The following WWC2 variants were observed in gnomAD, a reference collection of about 807,000 sequenced individuals.
WWC2 encodes protein WWC2.
A neutral mutation model predicts 138.5 loss-of-function variants in WWC2; 101 were observed. That is an observed-to-expected ratio of 0.73 (90% CI 0.62 to 0.86). The LOEUF (loss-of-function observed/expected upper bound fraction) is 0.86. Ranked by LOEUF, WWC2 falls within the 40% of genes least tolerant of loss-of-function variation. The pLI is 0.00. For missense variants in WWC2, 1,420 were observed against 1,419.4 expected (o/e 1.00, Z -0.01); for synonymous variants, 558 against 538.4 (o/e 1.04, Z -0.50).
intron 1 of WWC2, among the ~76,000 whole-genome samples, chr4:183,120,669 GTTAATAT>G (rs1352427036): frequency 6.6e-6 from 1 of 152,102 alleles, no homozygotes; most frequent in Non-Finnish European, 1.5e-5. Flanking sequence ...CTAAATTTCT[GTTAATAT>G]TTAATATTAT....
rs145622030 is a variant in WWC2 at position 183,213,364 on chromosome 4, G to A, written c.522+4339G>A. On this transcript the variant is annotated intron_variant, in intron 4 of 22. Coordinates refer to ENST00000403733, the MANE Select transcript of WWC2 (RefSeq NM_024949.6). ...AAAATCCCTTTCACGAATTAATGCC[G>A]TAGGAGTAGTAACTCTTGAATAAAT... Among the ~76,000 whole-genome samples, 233 of 152,322 alleles carry A rather than the reference G, an allele frequency of 1.5e-3. 1 individual carries two copies. Among genetic ancestry groups the A allele is most frequent in the Non-Finnish European group, 2.3e-3 (157 of 68,032 alleles).
At chr4:183,233,147 C>A (rs892659431) in intron 4 of WWC2, among the ~76,000 whole-genome samples, 2 of 126,338 alleles carry the variant, frequency 1.6e-5, no homozygotes, top group Non-Finnish European at 1.7e-5. Flanking sequence ...TCTTTTTAAA[C>A]CTTTTTTTTT....
chr4:183,110,526 C>G (rs1167304237), intron 1 of WWC2, among the ~76,000 whole-genome samples: 1 of 150,502 alleles, frequency 6.6e-6, no homozygotes, highest in Non-Finnish European at 1.5e-5. Flanking sequence ...ATGGAGCCAG[C>G]TCAGAAGTGA....
chr4:183,294,205 A>G (rs780539746), intron 21 of WWC2, among the ~76,000 whole-genome samples: 7 of 152,170 alleles, frequency 4.6e-5, no homozygotes, highest in Non-Finnish European at 7.3e-5. Context: ...ATACAGAGGA[A>G]GAATTAATAA....
chr4:183,156,167 C>T (rs1263609498), intron 1 of WWC2, among the ~76,000 whole-genome samples: 1 of 151,980 alleles, frequency 6.6e-6, no homozygotes, highest in Non-Finnish European at 1.5e-5. Flanking sequence ...GCTCGGATTA[C>T]AGGTGCCGCT....
chr4:183,133,251 C>T (rs1298119901), intron 1 of WWC2, among the ~76,000 whole-genome samples: 1 of 148,402 alleles, frequency 6.7e-6, no homozygotes, highest in African/African-American at 2.5e-5. Flanking sequence ...AACTTCTGGG[C>T]TCAAGCCTTT....
chr4:183,113,189 T>C lies in WWC2; in HGVS notation c.131+13567T>C, dbSNP rs187662140. Among the ~76,000 whole-genome samples, 4 of 152,004 alleles carry C rather than the reference T, an allele frequency of 2.6e-5. No homozygotes were observed. The East Asian group carries it at 7.9e-4, about 30-fold the overall frequency. On this transcript the variant is annotated intron_variant, in intron 1 of 22. Coordinates refer to ENST00000403733, the MANE Select transcript of WWC2 (RefSeq NM_024949.6). ...TGAGAGGTTGAGGCAGCAGAATCAC[T>C]TGAACCTGGAAGGCGGAGGTTGCAG...
At chr4:183,273,620 T>A (rs572185457) in intron 16 of WWC2, among the ~76,000 whole-genome samples, 1 of 152,268 alleles carries the variant, frequency 6.6e-6, no homozygotes, top group East Asian at 1.9e-4. Context: ...TTTTTTATTA[T>A]TGACTTATAA....
intron 21 of WWC2, among the ~76,000 whole-genome samples, chr4:183,304,141 A>G (rs990125399): frequency 6.6e-6 from 1 of 152,134 alleles, no homozygotes; most frequent in Non-Finnish European, 1.5e-5. Flanking sequence ...AATTCTTCTT[A>G]GATCAGTTAG....
At chr4:183,315,274 T>C (rs935079325) in intron 22 of WWC2, among the ~76,000 whole-genome samples, 4 of 152,196 alleles carry the variant, frequency 2.6e-5, no homozygotes, top group Admixed American at 2.6e-4. Context: ...TTTCCTGTTA[T>C]TGTGTGCTTT....
chr4:183,289,044 A>G (rs1361453123), intron 20 of WWC2, among the ~76,000 whole-genome samples: 1 of 152,248 alleles, frequency 6.6e-6, no homozygotes, highest in Non-Finnish European at 1.5e-5. Context: ...ATAAAGGTTT[A>G]TTTCTTGCCT....
intron 4 of WWC2, among the ~76,000 whole-genome samples, chr4:183,228,767 C>T (rs1344670929): frequency 6.6e-6 from 1 of 152,022 alleles, no homozygotes; most frequent in Non-Finnish European, 1.5e-5. Context: ...TGCATGCACA[C>T]CTGCTACCAT....
At chr4:183,220,122 T>C (rs1735879671) in intron 4 of WWC2, among the ~76,000 whole-genome samples, 1 of 152,154 alleles carries the variant, frequency 6.6e-6, no homozygotes, top group African/African-American at 2.4e-5. Context: ...CAGCAAGGAA[T>C]ACAAGTCTCA....
chr4:183,304,429 C>T lies in WWC2; in HGVS notation c.3385-7912C>T, dbSNP rs78252053. Among the ~76,000 whole-genome samples, 563 of 152,158 alleles carry T rather than the reference C, an allele frequency of 3.7e-3. 3 individuals carry two copies. Among genetic ancestry groups the T allele is most frequent in the African/African-American group, 0.013 (541 of 41,472 alleles). ...TTCCAGGAGCTTGACTGGGTCCTCA[C>T]GATGGATGTCGAAGAAAAATCTTGC... is the stretch of plus-strand genomic sequence containing the variant. On this transcript the variant is annotated intron_variant, in intron 21 of 22. Coordinates refer to ENST00000403733, the MANE Select transcript of WWC2 (RefSeq NM_024949.6).
intron 1 of WWC2, among the ~76,000 whole-genome samples, chr4:183,100,769 CATT>C (rs1231568914): frequency 2.0e-5 from 3 of 152,308 alleles, no homozygotes; most frequent in East Asian, 3.9e-4. Context: ...TTATAAATAA[CATT>C]ATAAATTTAT....
intron 15 of WWC2, among the ~76,000 whole-genome samples, chr4:183,270,625 G>A (rs1428032270): frequency 6.7e-6 from 1 of 148,940 alleles, no homozygotes; most frequent in African/African-American, 2.5e-5. Flanking sequence ...TTAGCTGGGT[G>A]TTGTGGTGCG....
chr4:183,222,040 T>C (rs1735948750), intron 4 of WWC2, among the ~76,000 whole-genome samples: 1 of 152,208 alleles, frequency 6.6e-6, no homozygotes, highest in South Asian at 2.1e-4. Flanking sequence ...AATTGTGATA[T>C]ATCCATAAAA....
intron 4 of WWC2, among the ~76,000 whole-genome samples, chr4:183,227,131 A>G (rs1475411930): frequency 1.3e-5 from 2 of 151,970 alleles, no homozygotes; most frequent in African/African-American, 4.8e-5. Context: ...CACCACCACT[A>G]CTTGTTGAAG....
intron 21 of WWC2, among the ~76,000 whole-genome samples, chr4:183,300,160 G>A (rs1034241832): frequency 2.6e-5 from 4 of 151,990 alleles, no homozygotes; most frequent in Non-Finnish European, 5.9e-5. Context: ...CTGCAGGTTG[G>A]GCTCCCATCA....
Sources: allele counts gnomAD v4.1 joint callset (sites outside exome capture counted in the v4.1 genomes callset), GRCh38; gene constraint gnomAD v4.1.1; transcripts MANE v1.5; gene names NCBI Gene and HGNC (gene_info 2026-07-23, HGNC 2026-07-21).